The following TRPC5 variants were observed in gnomAD, a reference collection of about 807,000 sequenced individuals.
TRPC5 encodes the protein short transient receptor potential channel 5.
TRPC5 carries 9 observed loss-of-function variants against 56.5 expected under a neutral mutation model. The ratio of observed to expected loss-of-function variants is 0.16; its 90% CI spans 0.10 to 0.28. The LOEUF (loss-of-function observed/expected upper bound fraction) is 0.28, where lower values mean the gene tolerates loss of function less well. Ranked by LOEUF, TRPC5 falls within the 10% of genes least tolerant of loss-of-function variation. The pLI is 1.00. For missense variants in TRPC5, 469 were observed against 748.9 expected, an observed-to-expected ratio of 0.63 and a Z score of 4.36; for synonymous variants, 282 against 278.5, an observed-to-expected ratio of 1.01 and a Z score of -0.13.
chrX:111,893,243 A>C (rs9969972), intron 3 of TRPC5, among the ~76,000 whole-genome samples: 13,443 of 110,345 alleles, frequency 0.12, 1,319 homozygotes, highest in African/African-American at 0.33. Flanking sequence ...GTTACCTCCA[A>C]GTTCTGTTTT....
chrX:112,070,934 G>A (rs914256712), intron 1 of TRPC5, among the ~76,000 whole-genome samples: 33 of 111,404 alleles, frequency 3.0e-4, no homozygotes, highest in African/African-American at 1.0e-3. Flanking sequence ...TATGCACCAG[G>A]CACTGTGTTA....
chrX:111,783,908 T>C (rs770974828), intron 7 of TRPC5, among the ~76,000 whole-genome samples: 58 of 112,105 alleles, frequency 5.2e-4, no homozygotes, highest in African/African-American at 1.9e-3. Flanking sequence ...TTGTAAGATA[T>C]GCCTTTAGTT....
intron 1 of TRPC5, among the ~76,000 whole-genome samples, chrX:112,075,531 G>A (rs1394045852): frequency 1.8e-5 from 2 of 112,233 alleles, no homozygotes; most frequent in Non-Finnish European, 3.8e-5. Flanking sequence ...CTGTGAATAT[G>A]ATATGTTACA....
At chrX:112,061,673 T>TAC (rs1930462387) in intron 1 of TRPC5, among the ~76,000 whole-genome samples, 1 of 111,689 alleles carries the variant, frequency 9.0e-6, no homozygotes, top group African/African-American at 3.3e-5. Context: ...TACACTTGTT[T>TAC]ACACACACAC....
chrX:111,862,168 A>G (rs1433970055), intron 3 of TRPC5, among the ~76,000 whole-genome samples: 1 of 111,766 alleles, frequency 8.9e-6, no homozygotes, highest in Non-Finnish European at 1.9e-5. Context: ...TGGGAATTAT[A>G]CTTTGACACA....
intron 1 of TRPC5, among the ~76,000 whole-genome samples, chrX:112,020,099 C>A (rs1001718102): frequency 9.0e-6 from 1 of 111,644 alleles, no homozygotes; most frequent in African/African-American, 3.3e-5. Context: ...CACTATGTTG[C>A]CCAAGCTGGT....
intron 2 of TRPC5, among the ~76,000 whole-genome samples, chrX:111,923,503 T>G (rs2148625327): frequency 8.9e-6 from 1 of 112,354 alleles, no homozygotes; most frequent in East Asian, 2.8e-4. Flanking sequence ...TGTCACAGTT[T>G]AATGAAGCAT....
At position 111,853,771 on chromosome X, in the gene TRPC5, T is replaced by G. The variant is rs1406136288; in HGVS notation, c.1236A>C (p.Leu412=). Residue 412 remains leucine, a splice_region_variant and synonymous_variant, in exon 4 of 11, where the codon CTA becomes CTC. Coordinates refer to ENST00000262839, the MANE Select transcript of TRPC5 (RefSeq NM_012471.3). ...VVEWMILPWV[L]GFIWGEIKEM... ...TAGGTCCTGGTCCCTTTGACTTACC[T>G]AGAACCCAAGGCAATATCATCCATT... 8.3e-7 allele frequency: 1 copy of G among 1,210,230 alleles called. No homozygotes were observed. Among genetic ancestry groups the G allele is most frequent in the East Asian group, 3.0e-5 (1 of 33,809 alleles).
At chrX:111,977,185 G>A (rs1328508738) in intron 1 of TRPC5, among the ~76,000 whole-genome samples, 2 of 111,486 alleles carry the variant, frequency 1.8e-5, no homozygotes, top group Non-Finnish European at 3.8e-5. Context: ...AACAGCCAAA[G>A]CAGTCTTGTG....
intron 7 of TRPC5, among the ~76,000 whole-genome samples, chrX:111,815,493 C>A (rs1342687468): frequency 9.0e-6 from 1 of 111,165 alleles, no homozygotes; most frequent in Non-Finnish European, 1.9e-5. Flanking sequence ...CTTTGGGAAG[C>A]CGAGGTAGGT....
chrX:111,859,583 G>A (rs768350251), intron 3 of TRPC5, among the ~76,000 whole-genome samples: 1 of 112,000 alleles, frequency 8.9e-6, no homozygotes, highest in Non-Finnish European at 1.9e-5. Context: ...CCTATGAGTT[G>A]GGTGAATTCA....
chrX:111,984,543 A>C (rs1039937099), intron 1 of TRPC5, among the ~76,000 whole-genome samples: 1 of 111,878 alleles, frequency 8.9e-6, no homozygotes, highest in Non-Finnish European at 1.9e-5. Flanking sequence ...GACTCCAAGA[A>C]ATTTTACTGA....
intron 3 of TRPC5, among the ~76,000 whole-genome samples, chrX:111,861,044 C>G (rs1923391643): frequency 9.0e-6 from 1 of 111,573 alleles, no homozygotes; most frequent in Non-Finnish European, 1.9e-5. Context: ...TCTGGAAAAC[C>G]AAAAACCATT....
At chrX:111,803,883 T>G (rs1301259239) in intron 7 of TRPC5, among the ~76,000 whole-genome samples, 2 of 112,208 alleles carry the variant, frequency 1.8e-5, no homozygotes, top group South Asian at 7.4e-4. Flanking sequence ...TTTTGGCTTT[T>G]GTTGCCATTG....
chrX:112,030,441 C>T (rs1048815945), intron 1 of TRPC5, among the ~76,000 whole-genome samples: 2 of 112,204 alleles, frequency 1.8e-5, no homozygotes, highest in African/African-American at 6.5e-5. Flanking sequence ...TATAGCATTC[C>T]GAATCCTGGA....
At chrX:112,010,848 G>A (rs192389246) in intron 1 of TRPC5, among the ~76,000 whole-genome samples, 150 of 111,610 alleles carry the variant, frequency 1.3e-3, no homozygotes, top group Non-Finnish European at 2.2e-3. Flanking sequence ...GGCTAGACTA[G>A]TGCCTGGCAC....
chrX:111,830,548 G>C (rs148521242), intron 7 of TRPC5, among the ~76,000 whole-genome samples: 25 of 111,252 alleles, frequency 2.2e-4, no homozygotes, highest in African/African-American at 7.5e-4. Context: ...GGGACCTCCT[G>C]GGGGGTGATT....
At chrX:111,951,910 C>T (rs1336172082) in intron 2 of TRPC5, 133 bp downstream of exon 2, 2 of 972,020 alleles carry the variant, frequency 2.1e-6, no homozygotes, top group African/African-American at 3.9e-5. Flanking sequence ...AGGATGCTAC[C>T]TGAGATCACT....
intron 1 of TRPC5, among the ~76,000 whole-genome samples, chrX:112,079,290 G>T (rs1447625333): frequency 1.8e-5 from 2 of 112,012 alleles, no homozygotes; most frequent in Non-Finnish European, 3.8e-5. Flanking sequence ...TTCGAAAACA[G>T]GCTACAGGAA....
Sources: allele counts gnomAD v4.1 joint callset (sites outside exome capture counted in the v4.1 genomes callset), GRCh38; gene constraint gnomAD v4.1.1; transcripts MANE v1.5; gene names NCBI Gene and HGNC (gene_info 2026-07-23, HGNC 2026-07-21).